VPS26C: variants seen among roughly 807,000 people sequenced by gnomAD.
VPS26C encodes VPS26 endosomal protein sorting factor C, also known as vacuolar protein sorting-associated protein 26C.
Under a neutral mutation model 30.6 loss-of-function variants are expected in VPS26C, and 19 were observed. That is an observed-to-expected ratio of 0.62 (90% CI 0.43 to 0.91). VPS26C has a LOEUF of 0.91. Ranked by LOEUF, VPS26C falls within the 40% of genes least tolerant of loss-of-function variation. The pLI, the probability that VPS26C is intolerant of heterozygous loss-of-function variation, is 0.00. For missense variants in VPS26C, 318 were observed against 385.1 expected (o/e 0.83, Z 1.46); for synonymous variants, 132 against 151.5 (o/e 0.87, Z 0.95).
chr21:37,231,962 G>A (rs1242978883), intron 5 of VPS26C: 1 of 182,648 alleles, frequency 5.5e-6, no homozygotes, highest in African/African-American at 2.4e-5. Flanking sequence ...CCCGGCCTCT[G>A]TCTGATGGGA....
chr21:37,238,695 C>T lies in VPS26C; in HGVS notation c.202-86G>A, dbSNP rs58526204. The T allele has an allele frequency of 0.015, 22,439 of 1,515,330 alleles. 1,302 individuals are homozygous for T. The Admixed American group carries it at 0.16, about 11-fold the overall frequency. 93.9% of individuals were successfully genotyped at this position (1,515,330 alleles called of 1,614,324 possible). A position where few individuals can be genotyped will look rare whatever the true frequency, so the allele number is the denominator to read the frequency against. On this transcript the variant is annotated intron_variant, in intron 2 of 7. Transcript: ENST00000309117. ...TAATAACGTTCTGAAGGACACAGCACCCCGACCCCCTGGAGGCCACCATCC... is the reference window on the plus strand; with the variant it reads ...TAATAACGTTCTGAAGGACACAGCATCCCGACCCCCTGGAGGCCACCATCC...
At chr21:37,267,209 C>CG in intron 1 of VPS26C, 29 bp downstream of exon 1, 10 of 1,025,900 alleles carry the variant, frequency 9.7e-6, no homozygotes, top group Non-Finnish European at 1.5e-5. Context: ...CCAACCCCAC[C>CG]TCCATCCCCA....
chr21:37,249,513 C>A (rs908192725), intron 1 of VPS26C, among the ~76,000 whole-genome samples: 4 of 152,196 alleles, frequency 2.6e-5, no homozygotes, highest in African/African-American at 9.7e-5. Context: ...ATGTCTAAAA[C>A]TCCCAGATGA....
At chr21:37,244,149 A>G (rs945205001) in intron 1 of VPS26C, among the ~76,000 whole-genome samples, 4 of 152,250 alleles carry the variant, frequency 2.6e-5, no homozygotes, top group Non-Finnish European at 5.9e-5. Flanking sequence ...CAAGCATTCC[A>G]AAGGCTACTG....
intron 5 of VPS26C, chr21:37,232,045 C>T (rs1487976307): frequency 3.1e-5 from 9 of 294,320 alleles, no homozygotes; most frequent in East Asian, 1.3e-4. Flanking sequence ...GCGCAGGCCC[C>T]GGCTAACCAT....
At chr21:37,261,368 T>C (rs1483874422) in intron 1 of VPS26C, 4 of 152,214 alleles carry the variant, frequency 2.6e-5, no homozygotes, top group Admixed American at 1.3e-4. Flanking sequence ...TCCTGGAGCA[T>C]TCCCCAATGT....
rs530734203 is a variant in VPS26C at position 37,257,146 on chromosome 21, C to CA, written c.57+10091dup. Among the ~76,000 whole-genome samples, 34 of 151,894 alleles carry CA rather than the reference C, an allele frequency of 2.2e-4. No individual in the cohort carries two copies. The highest frequency in any genetic ancestry group is 7.0e-4 in the African/African-American group (29 of 41,428). On this transcript the variant is annotated intron_variant, in intron 1 of 7. Transcript: ENST00000309117. This position sits in a 1 kb window ranked among gnomAD's most constrained non-coding sequence, Gnocchi z 4.2. ...GGCTCTGTCTCAAAAAAACAAAACA[C>CA]AAAAAAACAAACAAAAAAAAGCAAA...
chr21:37,248,974 A>C (rs925766182), intron 1 of VPS26C, among the ~76,000 whole-genome samples: 3 of 152,176 alleles, frequency 2.0e-5, no homozygotes, highest in African/African-American at 7.2e-5. Context: ...ACTCATATTA[A>C]TAGCTATTAA....
rs2085925008 is a variant in VPS26C, at chr21:37,228,282, T to G, written c.599A>C (p.Glu200Ala). 1 of 1,614,056 alleles carries G rather than the reference T, an allele frequency of 6.2e-7. No homozygotes were observed. Among genetic ancestry groups the G allele is most frequent in the Admixed American group, 1.7e-5 (1 of 60,008 alleles). ...TQPLTGELVV[E>A]SSEAAIRSVE... is the part of the protein sequence containing the mutation. ...GCTTCTGATGGCGGCTTCCGAGCTC[T>G]CCACCACCAGCTCTCCCGTTAGTGG... Residue 200 changes from glutamate to alanine, a missense_variant, in exon 6 of 8, where the codon GAG becomes GCG. Transcript: ENST00000309117.
chr21:37,256,686 G>C (rs1258809088), intron 1 of VPS26C, among the ~76,000 whole-genome samples: 1 of 152,138 alleles, frequency 6.6e-6, no homozygotes, highest in Non-Finnish European at 1.5e-5. Flanking sequence ...AAAAAGCCCA[G>C]GCAGTCTTTT....
At chr21:37,267,079 G>GACGCACCTGGCGGGA (rs948410748) in intron 1 of VPS26C, 159 bp downstream of exon 1, 12 of 718,404 alleles carry the variant, frequency 1.7e-5, no homozygotes, top group Admixed American at 4.3e-5. Flanking sequence ...ACCTGGCGGG[G>GACGCACCTGGCGGGA]ACGCACCTGG....
chr21:37,244,842 G>C (rs544811544), intron 1 of VPS26C, among the ~76,000 whole-genome samples: 1 of 152,290 alleles, frequency 6.6e-6, no homozygotes, highest in East Asian at 1.9e-4. Context: ...CTGCAAACGT[G>C]CTTCTTCTGG....
intron 1 of VPS26C, among the ~76,000 whole-genome samples, chr21:37,264,483 A>G (rs925526035): frequency 1.3e-5 from 2 of 152,212 alleles, no homozygotes; most frequent in East Asian, 3.8e-4. Context: ...TACTTGTATC[A>G]TATTTAAAAC....
chr21:37,256,361 A>C (rs1265797496), intron 1 of VPS26C, among the ~76,000 whole-genome samples: 2 of 152,248 alleles, frequency 1.3e-5, no homozygotes, highest in African/African-American at 4.8e-5. Context: ...GAGGAAATAG[A>C]TATTCTCACT....
chr21:37,254,218 A>G (rs1602283142), intron 1 of VPS26C, among the ~76,000 whole-genome samples: 1 of 152,246 alleles, frequency 6.6e-6, no homozygotes, highest in African/African-American at 2.4e-5. Flanking sequence ...GAAATCATGT[A>G]TGAATCACGA....
chr21:37,246,254 T>C (rs1419263069), intron 1 of VPS26C, among the ~76,000 whole-genome samples: 1 of 151,930 alleles, frequency 6.6e-6, no homozygotes, highest in African/African-American at 2.4e-5. Context: ...ATCGAGTCAC[T>C]CATAAGAGGA....
At position 37,225,548 on chromosome 21, in the gene VPS26C, A is replaced by G. The variant is rs1260858023; in HGVS notation, c.890T>C (p.Ile297Thr). Reference protein sequence around the residue: ...TENFPLKLCRI With the variant: ...TENFPLKLCRT ...TCTATGCTTCCCTCCTCCGGGCTATATCCTGCAGAGCTTCAGCGGGAAGTT... is the reference window on the plus strand; with the variant it reads ...TCTATGCTTCCCTCCTCCGGGCTATGTCCTGCAGAGCTTCAGCGGGAAGTT... The change falls in exon 8 of 8, where the codon ATA becomes ACA. Residue 297 changes from isoleucine (I) to threonine (T), a missense_variant. Transcript: ENST00000309117. The G allele has an allele frequency of 2.5e-6, 4 of 1,613,798 alleles. No individual in the cohort carries two copies. The highest frequency in any genetic ancestry group is 3.3e-5 in the Admixed American group (2 of 59,988).
chr21:37,226,021 C>T lies in VPS26C; in HGVS notation c.812-395G>A, dbSNP rs140187086. 1.3e-3 allele frequency: 260 copies of T among 204,108 alleles called. 2 individuals are homozygous for T. The highest frequency in any genetic ancestry group is 5.3e-3 in the African/African-American group (236 of 44,756). 12.6% of individuals were successfully genotyped at this position (204,108 alleles called of 1,614,324 possible). The stretch of plus-strand genomic sequence containing the variant: ...AATGAAATAGCAGACTGTGAACCAG[C>T]GCATAGCTGTCTGGGCCCATGTCCC... On this transcript the variant is annotated intron_variant, in intron 7 of 7. Coordinates refer to ENST00000309117, the MANE Select transcript of VPS26C (RefSeq NM_006052.2). The surrounding 1 kb of genome is among the most constrained non-coding windows in gnomAD (Gnocchi z 4.1).
intron 1 of VPS26C, among the ~76,000 whole-genome samples, chr21:37,248,349 GGGGGGA>G: frequency 1.2e-5 from 1 of 80,436 alleles, no homozygotes; most frequent in East Asian, 4.3e-4. Flanking sequence ...GTGGGGGGAG[GGGGGGA>G]ACAAAGCAAA....
Sources: gnomAD v4.1 joint callset for allele counts (sites outside exome capture counted in the v4.1 genomes callset) on GRCh38, gnomAD v4.1.1 for gene constraint, Gnocchi (gnomAD v3.1) non-coding constraint, MANE v1.5 for transcripts, NCBI Gene and HGNC (gene_info 2026-07-23, HGNC 2026-07-21) for gene names.